Variants in SIPA1L3 observed in about 807,000 individuals in gnomAD.
SIPA1L3 encodes signal induced proliferation associated 1 like 3, also known as signal-induced proliferation-associated 1-like protein 3.
In SIPA1L3, 59 loss-of-function variants were observed where a neutral mutation model predicts 150.1. The observed-to-expected ratio is 0.39, with a 90% CI of 0.32 to 0.49. The LOEUF is 0.49. Among genes scored for constraint, SIPA1L3 ranks in the 20% least tolerant of loss-of-function variants. The pLI, the probability that SIPA1L3 is intolerant of heterozygous loss-of-function variation, is 0.86. For synonymous variants in SIPA1L3, 1,070 were observed against 1,077.6 expected, an observed-to-expected ratio of 0.99 and a Z score of 0.14; for missense variants, 2,211 against 2,489.5, an observed-to-expected ratio of 0.89 and a Z score of 2.38.
intron 1 of SIPA1L3, among the ~76,000 whole-genome samples, chr19:37,912,800 C>CA (rs1470507746): frequency 2.0e-5 from 3 of 152,216 alleles, no homozygotes; most frequent in African/African-American, 4.8e-5. Flanking sequence ...AGAGCCAACT[C>CA]AATCACTTGA....
intron 2 of SIPA1L3, among the ~76,000 whole-genome samples, chr19:38,035,555 C>T (rs1968762289): frequency 6.6e-6 from 1 of 152,264 alleles, no homozygotes; most frequent in East Asian, 1.9e-4. Flanking sequence ...ATCCAGCTGA[C>T]CTGGGGTCTA....
intron 15 of SIPA1L3, among the ~76,000 whole-genome samples, chr19:38,167,340 A>G (rs964673164): frequency 6.6e-6 from 1 of 152,088 alleles, no homozygotes; most frequent in East Asian, 1.9e-4. Context: ...ATGCTGATCA[A>G]TCCCCACTCA....
chr19:37,957,880 T>C (rs1242243796), intron 1 of SIPA1L3, among the ~76,000 whole-genome samples: 2 of 75,874 alleles, frequency 2.6e-5, no homozygotes, highest in African/African-American at 1.9e-4. Flanking sequence ...CCTGGCTAAT[T>C]TTTTTTTTAT....
rs773694250 is a variant in SIPA1L3, at chr19:38,081,990, C to T, written c.425C>T (p.Ser142Phe). The T allele has an allele frequency of 6.2e-7, 1 of 1,614,206 alleles. No homozygotes were observed. Among genetic ancestry groups the T allele is most frequent in the East Asian group, 2.2e-5 (1 of 44,872 alleles). Reference sequence around the variant, plus strand: ...GGGTCCAAAGCCTTCCACCGACTCTCCAGGAGAAGGTCCAAAGACGTGGAG... The same window carrying T: ...GGGTCCAAAGCCTTCCACCGACTCTTCAGGAGAAGGTCCAAAGACGTGGAG... ...SSGSKAFHRL[S>F]RRRSKDVEFQ... The change falls in exon 3 of 22, where the codon TCC (serine) becomes TTC (phenylalanine). Residue 142 changes from serine (S) to phenylalanine (F), a missense_variant. Ser to Phe is a radical substitution (Grantham distance 155). Around this residue, in one of 5 missense-constraint regions of SIPA1L3, gnomAD observed 587 missense variants for 534.5 expected, o/e 1.10. Coordinates refer to ENST00000222345, the MANE Select transcript of SIPA1L3 (RefSeq NM_015073.3).
At chr19:38,054,761 C>T (rs920497484) in intron 2 of SIPA1L3, among the ~76,000 whole-genome samples, 2 of 135,376 alleles carry the variant, frequency 1.5e-5, no homozygotes, top group African/African-American at 3.2e-5. Context: ...GGACAGCATG[C>T]CCTCCCACAC....
At chr19:38,000,425 G>A (rs1385660014) in intron 1 of SIPA1L3, among the ~76,000 whole-genome samples, 6 of 145,320 alleles carry the variant, frequency 4.1e-5, no homozygotes, top group African/African-American at 1.0e-4. Flanking sequence ...CCTAGATCAC[G>A]CTACTGCATT....
At chr19:38,059,311 AT>A (rs35717284) in intron 2 of SIPA1L3, among the ~76,000 whole-genome samples, 293 of 113,914 alleles carry the variant, frequency 2.6e-3, no homozygotes, top group Middle Eastern at 5.1e-3. Context: ...AACAGCTGAG[AT>A]TTTTTTTTTT....
intron 10 of SIPA1L3, among the ~76,000 whole-genome samples, chr19:38,131,967 G>T (rs925905364): frequency 1.3e-5 from 2 of 151,944 alleles, no homozygotes; most frequent in African/African-American, 4.8e-5. Context: ...TCTAGACTGG[G>T]TTCACACCTG....
At chr19:38,084,326 G>C (rs1970075586) in intron 3 of SIPA1L3, among the ~76,000 whole-genome samples, 1 of 152,138 alleles carries the variant, frequency 6.6e-6, no homozygotes, top group Admixed American at 6.5e-5. Flanking sequence ...AAGCATGTGG[G>C]AGTTATAGCC....
At chr19:38,069,435 C>T (rs1455402978) in intron 2 of SIPA1L3, among the ~76,000 whole-genome samples, 2 of 152,164 alleles carry the variant, frequency 1.3e-5, no homozygotes, top group Non-Finnish European at 2.9e-5. Context: ...CCTGCTGTAT[C>T]TCATGTCCTG....
At chr19:38,042,176 T>C (rs1234280236) in intron 2 of SIPA1L3, among the ~76,000 whole-genome samples, 1 of 152,232 alleles carries the variant, frequency 6.6e-6, no homozygotes, top group East Asian at 1.9e-4. Flanking sequence ...AGTTTTATGG[T>C]TTCAAATCTT....
rs756974545 is a variant in SIPA1L3, at chr19:38,119,921, T to C, written c.2868+39T>C. Reference sequence around the variant, plus strand: ...CCCGGCGATAGGGCGGCGATTTGTATGGTTTCGGCCTCAGGAACCACTGAA... The same window carrying C: ...CCCGGCGATAGGGCGGCGATTTGTACGGTTTCGGCCTCAGGAACCACTGAA... On this transcript the variant is annotated intron_variant, in intron 9 of 21. Coordinates refer to ENST00000222345, the MANE Select transcript of SIPA1L3 (RefSeq NM_015073.3). 7 of 1,483,930 alleles carry C rather than the reference T, an allele frequency of 4.7e-6. No individual in the cohort carries two copies. The East Asian group carries it at 1.1e-4, about 24-fold the overall frequency. The allele number at this position is 1,483,930 out of a possible 1,614,324, so 91.9% of individuals were successfully genotyped here. A position where few individuals can be genotyped will look rare whatever the true frequency, so the allele number is the denominator to read the frequency against.
chr19:37,942,885 T>C (rs957338298), intron 1 of SIPA1L3, among the ~76,000 whole-genome samples: 4 of 151,958 alleles, frequency 2.6e-5, no homozygotes, highest in Admixed American at 2.6e-4. Context: ...TGAGGTTTTC[T>C]TTCAATTTTT....
intron 2 of SIPA1L3, among the ~76,000 whole-genome samples, chr19:38,057,913 C>T (rs1016715316): frequency 1.3e-5 from 2 of 152,132 alleles, no homozygotes; most frequent in Non-Finnish European, 2.9e-5. Context: ...CCACCCACCT[C>T]GGCCTCCCAA....
chr19:38,030,765 T>C (rs1968637254), intron 2 of SIPA1L3, among the ~76,000 whole-genome samples: 2 of 152,146 alleles, frequency 1.3e-5, no homozygotes, highest in African/African-American at 4.8e-5. Context: ...GGGTGGGTTC[T>C]AAGCAGTGGC....
intron 15 of SIPA1L3, among the ~76,000 whole-genome samples, chr19:38,167,697 A>T (rs1259899114): frequency 1.3e-5 from 2 of 152,012 alleles, no homozygotes; most frequent in Admixed American, 1.3e-4. Flanking sequence ...TAAGTAGCTG[A>T]GACTACAGGT....
chr19:38,195,870 G>A (rs953127944), intron 18 of SIPA1L3, among the ~76,000 whole-genome samples: 3 of 142,636 alleles, frequency 2.1e-5, no homozygotes, highest in Non-Finnish European at 4.5e-5. Flanking sequence ...ACCATCCTGA[G>A]CTGTCACTAG....
At chr19:38,117,576 G>A (rs571316173) in intron 8 of SIPA1L3, among the ~76,000 whole-genome samples, 1 of 151,602 alleles carries the variant, frequency 6.6e-6, no homozygotes, top group African/African-American at 2.4e-5. Context: ...CCGAGATTGT[G>A]CCATTGTACT....
intron 2 of SIPA1L3, among the ~76,000 whole-genome samples, chr19:38,040,597 C>T (rs1303258773): frequency 6.6e-6 from 1 of 152,146 alleles, no homozygotes; most frequent in Non-Finnish European, 1.5e-5. Flanking sequence ...TCTCCATGTT[C>T]TTTCTTCCCC....
Sources: allele counts gnomAD v4.1 joint callset (sites outside exome capture counted in the v4.1 genomes callset), GRCh38; gene constraint gnomAD v4.1.1; regional missense constraint gnomAD v4.1.1; transcripts MANE v1.5; gene names NCBI Gene and HGNC (gene_info 2026-07-23, HGNC 2026-07-21).